The following WDR19 variants were observed in gnomAD, a reference collection of about 807,000 sequenced individuals.
WDR19 encodes the protein WD repeat-containing protein 19.
WDR19 carries 121 observed loss-of-function variants against 180.0 expected under a neutral mutation model. That is an observed-to-expected ratio of 0.67 (90% confidence interval 0.58 to 0.78). The LOEUF is 0.78. Among genes scored for constraint, WDR19 ranks in the 30% least tolerant of loss-of-function variants. WDR19 has a pLI of 0.00. For missense variants in WDR19, 1,450 were observed against 1,640.7 expected, an observed-to-expected ratio of 0.88 and a Z score of 2.01; for synonymous variants, 497 against 540.7, an observed-to-expected ratio of 0.92 and a Z score of 1.12.
intron 15 of WDR19, 40 bp downstream of exon 15, chr4:39,225,073 G>T: frequency 6.9e-7 from 1 of 1,448,132 alleles, no homozygotes; most frequent in Non-Finnish European, 9.1e-7. Context: ...TTTTTGAAAT[G>T]CAATATAGGG....
At chr4:39,236,677 ACAATTGCTGTTG>A (rs1731418127) in intron 20 of WDR19, among the ~76,000 whole-genome samples, 1 of 152,198 alleles carries the variant, frequency 6.6e-6, no homozygotes, top group African/African-American at 2.4e-5. Flanking sequence ...TGAAAATTAG[ACAATTGCTGTTG>A]CAATTCAAGC....
intron 5 of WDR19, among the ~76,000 whole-genome samples, chr4:39,198,754 C>G (rs2109280594): frequency 6.6e-6 from 1 of 152,302 alleles, no homozygotes; most frequent in South Asian, 2.1e-4. Context: ...AATCCCACCA[C>G]TTTGGGAGGC....
At chr4:39,246,797 G>C (rs534802517) in intron 24 of WDR19, among the ~76,000 whole-genome samples, 13 of 152,352 alleles carry the variant, frequency 8.5e-5, no homozygotes, top group African/African-American at 2.9e-4. Flanking sequence ...GCAGCAGAAA[G>C]GCTGGTGGAC....
At chr4:39,239,418 C>T (rs962169760) in intron 20 of WDR19, among the ~76,000 whole-genome samples, 2 of 149,634 alleles carry the variant, frequency 1.3e-5, no homozygotes, top group Non-Finnish European at 3.0e-5. Flanking sequence ...AATATATATT[C>T]TTGTAAATAT....
chr4:39,223,620 G>A (rs1304828270), intron 14 of WDR19, among the ~76,000 whole-genome samples: 2 of 152,166 alleles, frequency 1.3e-5, no homozygotes, highest in East Asian at 3.8e-4. Context: ...GGGATTCCAG[G>A]CATGAGCCAC....
chr4:39,248,627 A>G (rs1732793469), intron 24 of WDR19, among the ~76,000 whole-genome samples: 1 of 152,196 alleles, frequency 6.6e-6, no homozygotes. Flanking sequence ...GCAGAGACAC[A>G]CATAGGCTCA....
At position 39,228,291 on chromosome 4, in the gene WDR19, G is replaced by C; in HGVS notation, c.1711G>C (p.Gly571Arg). The C allele has an allele frequency of 6.2e-7, 1 of 1,613,374 alleles. No individual in the cohort carries two copies. Among genetic ancestry groups the C allele is most frequent in the South Asian group, 1.1e-5 (1 of 91,020 alleles). ...TTGGGAAAACTGGCCAATGGATAAA[G>C]GTGTATTTATTGCTTATGATGATGA... ...VLWENWPMDK[G>R]VFIAYDDDKV... The change falls in exon 16 of 37, where the codon GGT becomes CGT. Residue 571 changes from glycine (G) to arginine (R), a missense_variant. Physicochemically the swap from Gly to Arg is moderately radical, Grantham distance 125. Coordinates refer to ENST00000399820, the MANE Select transcript of WDR19 (RefSeq NM_025132.4).
At chr4:39,283,891 G>A (rs1043873627) in intron 36 of WDR19, among the ~76,000 whole-genome samples, 32 of 151,846 alleles carry the variant, frequency 2.1e-4, no homozygotes, top group Non-Finnish European at 8.8e-5. Flanking sequence ...GGATATTTTC[G>A]CTTGATATGG....
At chr4:39,200,449 G>C (rs1432198990) in intron 6 of WDR19, among the ~76,000 whole-genome samples, 4 of 152,174 alleles carry the variant, frequency 2.6e-5, no homozygotes, top group Non-Finnish European at 4.4e-5. Context: ...TCATGTGAAG[G>C]CTCAATAGGG....
At chr4:39,276,243 A>G (rs1186780218) in intron 33 of WDR19, among the ~76,000 whole-genome samples, 2 of 152,310 alleles carry the variant, frequency 1.3e-5, no homozygotes, top group East Asian at 1.9e-4. Context: ...GCTGGATGGG[A>G]GTACATAGAA....
Position 39,234,911 on chromosome 4 carries a change from T to C in WDR19, c.2363+36T>C, listed in dbSNP as rs181750787. ...GTTTTTATACATTTCAGTCAGTAGC[T>C]AATGACTGCAAATATCTTCAGTTCG... On this transcript the variant is annotated intron_variant, in intron 20 of 36. Transcript: ENST00000399820. 309 of 1,318,250 alleles carry C rather than the reference T, an allele frequency of 2.3e-4. 1 individual carries two copies. In the East Asian group the frequency reaches 3.7e-3, roughly 16 times the overall value. The allele number at this position is 1,318,250 out of a possible 1,614,324, so 81.7% of individuals were successfully genotyped here. A position where few individuals can be genotyped will look rare whatever the true frequency, so the allele number is the denominator to read the frequency against.
At chr4:39,249,254 T>TAC (rs1303581409) in intron 24 of WDR19, among the ~76,000 whole-genome samples, 1 of 151,932 alleles carries the variant, frequency 6.6e-6, no homozygotes, top group Non-Finnish European at 1.5e-5. Context: ...ACTGGGTACA[T>TAC]AAGGAAATGA....
intron 14 of WDR19, among the ~76,000 whole-genome samples, chr4:39,223,708 C>T (rs1315532796): frequency 6.6e-6 from 1 of 152,146 alleles, no homozygotes; most frequent in African/African-American, 2.4e-5. Context: ...TTCAGGCTTC[C>T]ATTGATCTGT....
intron 24 of WDR19, among the ~76,000 whole-genome samples, chr4:39,250,583 C>G (rs1250914977): frequency 6.6e-6 from 1 of 152,124 alleles, no homozygotes; most frequent in Non-Finnish European, 1.5e-5. Context: ...GTTTGCAGAT[C>G]ACATGATTGT....
intron 36 of WDR19, among the ~76,000 whole-genome samples, chr4:39,283,370 G>T (rs183510164): frequency 1.3e-3 from 183 of 144,054 alleles, no homozygotes; most frequent in African/African-American, 4.8e-3. Flanking sequence ...GGGGATACTG[G>T]TCTACAATTT....
Position 39,274,956 on chromosome 4 carries a change from C to A in WDR19, c.3714C>A (p.Val1238=). The change falls in exon 33 of 37, where the codon GTC becomes GTA. Residue 1238 remains valine (V), a splice_region_variant and synonymous_variant. Coordinates refer to ENST00000399820, the MANE Select transcript of WDR19 (RefSeq NM_025132.4). ...ACAAAAAGAAGATCGAGGGAATGGTCAGGTAGGCAGAGATGGCTATTTCTG... is the reference window on the plus strand; with the variant it reads ...ACAAAAAGAAGATCGAGGGAATGGTAAGGTAGGCAGAGATGGCTATTTCTG... ...AKYKKKIEGM[V]RRPDISEIEE... is the part of the protein sequence containing the mutation. The A allele has an allele frequency of 6.2e-7, 1 of 1,613,944 alleles. No individual in the cohort carries two copies. Among genetic ancestry groups the A allele is most frequent in the Non-Finnish European group, 8.5e-7 (1 of 1,179,868 alleles).
chr4:39,271,178 T>C (rs1263921872), intron 31 of WDR19, among the ~76,000 whole-genome samples: 1 of 152,244 alleles, frequency 6.6e-6, no homozygotes, highest in Admixed American at 6.5e-5. Context: ...ATTACAGGCG[T>C]GAGCCACTGT....
At chr4:39,193,351 G>A (rs113904248) in intron 4 of WDR19, among the ~76,000 whole-genome samples, 17 of 151,784 alleles carry the variant, frequency 1.1e-4, no homozygotes, top group Middle Eastern at 3.4e-3. Flanking sequence ...TAGTAGAGAC[G>A]GGTTCACCAT....
chr4:39,247,138 G>A (rs1732615200), intron 24 of WDR19, among the ~76,000 whole-genome samples: 1 of 152,122 alleles, frequency 6.6e-6, no homozygotes, highest in Admixed American at 6.5e-5. Context: ...ACGGGGCTGG[G>A]TACTCCTCTG....
Sources: gnomAD v4.1 joint callset for allele counts (sites outside exome capture counted in the v4.1 genomes callset) on GRCh38, gnomAD v4.1.1 for gene constraint, MANE v1.5 for transcripts, NCBI Gene and HGNC (gene_info 2026-07-23, HGNC 2026-07-21) for gene names.